Variants in EHBP1 observed in about 807,000 individuals in gnomAD.
EHBP1 encodes EH domain binding protein 1.
A neutral mutation model predicts 144.0 loss-of-function variants in EHBP1; 55 were observed. The ratio of observed to expected loss-of-function variants is 0.38; its 90% CI spans 0.31 to 0.48. EHBP1 has a LOEUF of 0.48. Among genes scored for constraint, EHBP1 ranks in the 20% least tolerant of loss-of-function variants. The probability of loss-of-function intolerance (pLI) is 0.98; values close to 1 mark genes in which losing one functional copy is unlikely to be tolerated. For synonymous variants in EHBP1, 469 were observed against 472.7 expected, an observed-to-expected ratio of 0.99 and a Z score of 0.10; for missense variants, 1,200 against 1,364.2, an observed-to-expected ratio of 0.88 and a Z score of 1.90.
intron 7 of EHBP1, among the ~76,000 whole-genome samples, chr2:62,850,825 T>G (rs2048643691): frequency 6.6e-6 from 1 of 152,142 alleles, no homozygotes; most frequent in African/African-American, 2.4e-5. Flanking sequence ...AAGTAAAACA[T>G]TGTAGAAAAT....
chr2:62,754,143 G>T (rs1220239903), intron 3 of EHBP1, among the ~76,000 whole-genome samples: 1 of 152,126 alleles, frequency 6.6e-6, no homozygotes, highest in Non-Finnish European at 1.5e-5. Context: ...TTCGGTCTTT[G>T]ATGATGGTGA....
At chr2:62,943,255 A>G (rs932186204) in intron 11 of EHBP1, among the ~76,000 whole-genome samples, 70 of 152,112 alleles carry the variant, frequency 4.6e-4, no homozygotes, top group African/African-American at 1.3e-3. Flanking sequence ...GCATGCCTGA[A>G]ATCCCAGCTA....
chr2:62,758,714 T>C (rs1573182299), intron 3 of EHBP1, among the ~76,000 whole-genome samples: 2 of 152,234 alleles, frequency 1.3e-5, no homozygotes, highest in East Asian at 3.9e-4. Context: ...AACTTTAAAA[T>C]CCTCACCAAT....
intron 5 of EHBP1, among the ~76,000 whole-genome samples, chr2:62,781,397 C>T (rs1022447939): frequency 1.3e-5 from 2 of 151,950 alleles, no homozygotes; most frequent in African/African-American, 2.4e-5. Context: ...TGAAGCTATT[C>T]GTGGTATTTA....
chr2:62,889,451 T>C (rs1479639406), intron 10 of EHBP1, among the ~76,000 whole-genome samples: 1 of 152,212 alleles, frequency 6.6e-6, no homozygotes, highest in Non-Finnish European at 1.5e-5. Context: ...ACTTTTGGTG[T>C]CTTCATCTTG....
At chr2:62,709,335 T>G (rs1336625287) in intron 2 of EHBP1, among the ~76,000 whole-genome samples, 1 of 152,074 alleles carries the variant, frequency 6.6e-6, no homozygotes, top group Non-Finnish European at 1.5e-5. Context: ...AATTTGGATG[T>G]ATTTGACCAA....
intron 10 of EHBP1, among the ~76,000 whole-genome samples, chr2:62,910,624 C>T (rs1364169778): frequency 2.6e-5 from 4 of 151,812 alleles, no homozygotes; most frequent in South Asian, 2.1e-4. Context: ...AATTGCTACT[C>T]GTGGCAGCTT....
intron 1 of EHBP1, among the ~76,000 whole-genome samples, chr2:62,687,641 AT>A (rs1034281802): frequency 3.9e-5 from 6 of 151,948 alleles, no homozygotes; most frequent in South Asian, 4.1e-4. Flanking sequence ...AACTCTCCCA[AT>A]TTTTTTTGTG....
intron 7 of EHBP1, among the ~76,000 whole-genome samples, chr2:62,847,854 T>C (rs992671811): frequency 2.6e-5 from 4 of 152,188 alleles, no homozygotes; most frequent in Non-Finnish European, 5.9e-5. Context: ...TTTGGACATA[T>C]GGTTCACAAA....
intron 5 of EHBP1, among the ~76,000 whole-genome samples, chr2:62,778,795 A>G (rs1473565122): frequency 1.3e-5 from 2 of 152,196 alleles, no homozygotes; most frequent in African/African-American, 4.8e-5. Flanking sequence ...GCAAAATAAC[A>G]ATTCTGATAA....
intron 2 of EHBP1, among the ~76,000 whole-genome samples, chr2:62,739,725 T>G (rs1558583188): frequency 6.6e-6 from 1 of 152,060 alleles, no homozygotes; most frequent in African/African-American, 2.4e-5. Context: ...GGAGGATCAC[T>G]TGAAGCCTGG....
At chr2:62,975,775 T>C (rs1252168316) in intron 14 of EHBP1, among the ~76,000 whole-genome samples, 1 of 151,828 alleles carries the variant, frequency 6.6e-6, no homozygotes, top group African/African-American at 2.4e-5. Context: ...ATGCCTGTAG[T>C]TCCAGCTACT....
upstream of EHBP1, among the ~76,000 whole-genome samples, chr2:62,701,997 A>G (rs895627939): frequency 6.6e-6 from 1 of 152,226 alleles, no homozygotes; most frequent in African/African-American, 2.4e-5. Context: ...TTTTACTGCA[A>G]TAACTGTAAA....
chr2:62,984,787 A>G (rs2059118966), intron 15 of EHBP1, among the ~76,000 whole-genome samples: 1 of 152,194 alleles, frequency 6.6e-6, no homozygotes, highest in African/African-American at 2.4e-5. Flanking sequence ...ACCTATATGA[A>G]CATTGAGTTA....
chr2:62,758,773 T>C (rs1294890110), intron 3 of EHBP1, among the ~76,000 whole-genome samples: 2 of 152,238 alleles, frequency 1.3e-5, no homozygotes, highest in Non-Finnish European at 2.9e-5. Flanking sequence ...GTGGTTGTGC[T>C]ACAGCCTTTG....
At chr2:62,913,062 CA>C (rs2054347736) in intron 10 of EHBP1, among the ~76,000 whole-genome samples, 1 of 152,182 alleles carries the variant, frequency 6.6e-6, no homozygotes, top group Admixed American at 6.5e-5. Flanking sequence ...ACGATGTCTG[CA>C]TTCTCCCCTC....
chr2:62,955,329 T>C (rs879103806), intron 13 of EHBP1, among the ~76,000 whole-genome samples, 188 bp from the exon 14 acceptor site: 2 of 152,286 alleles, frequency 1.3e-5, no homozygotes, highest in South Asian at 4.1e-4. Context: ...ATTTCCCTCA[T>C]GTCAAGATTT....
At chr2:62,840,670 G>C (rs1360447575) in intron 7 of EHBP1, among the ~76,000 whole-genome samples, 1 of 151,562 alleles carries the variant, frequency 6.6e-6, no homozygotes, top group Non-Finnish European at 1.5e-5. Flanking sequence ...CCATCAAAAA[G>C]TGGGCGAAGG....
chr2:62,896,916 C>A (rs919237261), intron 10 of EHBP1, among the ~76,000 whole-genome samples: 1 of 152,160 alleles, frequency 6.6e-6, no homozygotes, highest in Non-Finnish European at 1.5e-5. Context: ...CCTTCAGCAA[C>A]ATTTAATGTA....
Sources: allele counts gnomAD v4.1 joint callset (sites outside exome capture counted in the v4.1 genomes callset), GRCh38; gene constraint gnomAD v4.1.1; transcripts MANE v1.5; gene names NCBI Gene and HGNC (gene_info 2026-07-23, HGNC 2026-07-21).